The following BMPER variants were observed in gnomAD, a reference collection of about 807,000 sequenced individuals.
BMPER encodes the protein BMP-binding endothelial regulator protein.
BMPER carries 45 observed loss-of-function variants against 87.3 expected under a neutral mutation model. The ratio of observed to expected loss-of-function variants is 0.52; its 90% CI spans 0.41 to 0.66. BMPER has a LOEUF of 0.66. Ranked by LOEUF, BMPER falls within the 30% of genes least tolerant of loss-of-function variation. The probability of loss-of-function intolerance (pLI) is 0.00; values close to 1 mark genes in which losing one functional copy is unlikely to be tolerated. For synonymous variants in BMPER, 326 were observed against 316.2 expected (o/e 1.03, Z -0.33); for missense variants, 784 against 867.5 (o/e 0.90, Z 1.21).
Position 33,931,654 on chromosome 7 carries a change from T to C in BMPER, c.220-5635T>C, listed in dbSNP as rs969549866. Among the ~76,000 whole-genome samples, 6 of 152,272 alleles carry C rather than the reference T, an allele frequency of 3.9e-5. No homozygotes were observed. The South Asian group carries it at 1.2e-3, about 32-fold the overall frequency. On this transcript the variant is annotated intron_variant, in intron 2 of 14. Coordinates refer to ENST00000649409, the MANE Select transcript of BMPER (RefSeq NM_001365308.1). ...GAAGTTGACTCTTTGACTTCATACA[T>C]AGAGAGACTAGAAATTCCGATGAGA...
At chr7:34,082,223 A>G (rs1286260224) in intron 12 of BMPER, among the ~76,000 whole-genome samples, 1 of 152,178 alleles carries the variant, frequency 6.6e-6, no homozygotes, top group Non-Finnish European at 1.5e-5. Flanking sequence ...AGCTGCAGGA[A>G]GGACTATCAT....
chr7:34,097,476 A>G (rs1789558899), intron 13 of BMPER, among the ~76,000 whole-genome samples: 1 of 152,242 alleles, frequency 6.6e-6, no homozygotes, highest in Non-Finnish European at 1.5e-5. Context: ...AGTAAAGCTC[A>G]GGACTCTTCA....
intron 3 of BMPER, chr7:33,939,846 T>C (rs1439304523): frequency 5.4e-6 from 1 of 184,200 alleles, no homozygotes; most frequent in African/African-American, 2.4e-5. Context: ...CAGTTCTATG[T>C]AGCAGTGTGA....
intron 2 of BMPER, among the ~76,000 whole-genome samples, chr7:33,917,179 T>A (rs1377969969): frequency 6.6e-6 from 1 of 152,106 alleles, no homozygotes; most frequent in African/African-American, 2.4e-5. Context: ...AAAGTCACAA[T>A]GAAAAATGTC....
At chr7:33,933,582 T>G (rs1176516782) in intron 2 of BMPER, among the ~76,000 whole-genome samples, 1 of 152,110 alleles carries the variant, frequency 6.6e-6, no homozygotes, top group Non-Finnish European at 1.5e-5. Flanking sequence ...AGTCTGGCTT[T>G]CAGAGGCATG....
At chr7:34,044,354 CA>C (rs1158203790) in intron 6 of BMPER, among the ~76,000 whole-genome samples, 7 of 152,172 alleles carry the variant, frequency 4.6e-5, no homozygotes, top group African/African-American at 1.7e-4. Context: ...GCTGATCCAA[CA>C]AGAACAGAGA....
chr7:34,128,007 A>C (rs1790448388), intron 13 of BMPER, among the ~76,000 whole-genome samples: 1 of 152,126 alleles, frequency 6.6e-6, no homozygotes, highest in Non-Finnish European at 1.5e-5. Context: ...TGATTACTTA[A>C]ATAATGTTTG....
rs1446482147 is a variant in BMPER, at chr7:34,156,167, G to A, written c.*2894G>A. ...CTGACCATCAGACCGTCCTGTAAGA[G>A]GGCATCTTTCAATAAGAACGAGAAA... On this transcript the variant is annotated 3_prime_UTR_variant, in exon 15 of 15. Coordinates refer to ENST00000649409, the MANE Select transcript of BMPER (RefSeq NM_001365308.1). Among the ~76,000 whole-genome samples the A allele has an allele frequency of 5.9e-5, 9 of 152,132 alleles. No homozygotes were observed. Among genetic ancestry groups the A allele is most frequent in the Admixed American group, 5.9e-4 (9 of 15,280 alleles).
intron 6 of BMPER, among the ~76,000 whole-genome samples, chr7:34,004,086 C>T (rs1043994520): frequency 6.6e-6 from 1 of 152,054 alleles, no homozygotes; most frequent in Non-Finnish European, 1.5e-5. Flanking sequence ...CATTTTTCTC[C>T]ACTCTTTTTC....
chr7:33,958,980 G>A (rs527550260), intron 3 of BMPER, among the ~76,000 whole-genome samples: 1 of 152,238 alleles, frequency 6.6e-6, no homozygotes, highest in South Asian at 2.1e-4. Context: ...AGATACGCTG[G>A]TTTTATAAAG....
chr7:33,925,740 G>C (rs1167877601), intron 2 of BMPER, among the ~76,000 whole-genome samples: 1 of 152,146 alleles, frequency 6.6e-6, no homozygotes, highest in African/African-American at 2.4e-5. Flanking sequence ...AAAATGCCAA[G>C]TGAGGTTGCT....
chr7:34,086,942 T>C (rs1336370366), intron 13 of BMPER, among the ~76,000 whole-genome samples: 1 of 152,180 alleles, frequency 6.6e-6, no homozygotes, highest in African/African-American at 2.4e-5. Context: ...AAAGGCCTTG[T>C]TTAAGTGATT....
At chr7:33,995,327 T>A (rs929434096) in intron 6 of BMPER, among the ~76,000 whole-genome samples, 8 of 152,060 alleles carry the variant, frequency 5.3e-5, no homozygotes, top group African/African-American at 1.7e-4. Flanking sequence ...TCTTCACTCA[T>A]GAGATGGATT....
chr7:34,014,984 CCTT>C (rs1463894495), intron 6 of BMPER, among the ~76,000 whole-genome samples: 1 of 151,576 alleles, frequency 6.6e-6, no homozygotes, highest in Non-Finnish European at 1.5e-5. Context: ...CTGTGATGTC[CCTT>C]CTTCTAGGGG....
intron 13 of BMPER, among the ~76,000 whole-genome samples, chr7:34,107,956 G>A (rs759661162): frequency 6.6e-6 from 1 of 152,022 alleles, no homozygotes; most frequent in Admixed American, 6.6e-5. Flanking sequence ...CCTCATAATT[G>A]TAACCATTAT....
chr7:34,064,392 A>G (rs17750904), intron 11 of BMPER, among the ~76,000 whole-genome samples: 42,511 of 152,190 alleles, frequency 0.28, 6,177 homozygotes, highest in African/African-American at 0.34. Flanking sequence ...ATAGTTGAGA[A>G]AAATCTACAT....
intron 6 of BMPER, among the ~76,000 whole-genome samples, chr7:34,032,415 C>T (rs1036588112): frequency 6.6e-6 from 1 of 152,028 alleles, no homozygotes. Context: ...GATTCATCAC[C>T]CATTATCTGG....
chr7:34,086,853 C>T (rs1350924811), intron 13 of BMPER, among the ~76,000 whole-genome samples: 3 of 152,168 alleles, frequency 2.0e-5, no homozygotes, highest in African/African-American at 7.2e-5. Flanking sequence ...CTACACAATT[C>T]CATGGGTTCA....
intron 6 of BMPER, among the ~76,000 whole-genome samples, chr7:34,032,009 G>GTA (rs575406796): frequency 1.1e-3 from 156 of 137,476 alleles, no homozygotes; most frequent in African/African-American, 1.9e-3. Flanking sequence ...GTGTGTGTGT[G>GTA]TATATATATA....
Sources: allele counts gnomAD v4.1 joint callset (sites outside exome capture counted in the v4.1 genomes callset), GRCh38; gene constraint gnomAD v4.1.1; transcripts MANE v1.5; gene names NCBI Gene and HGNC (gene_info 2026-07-23, HGNC 2026-07-21).